The following NEBL variants were observed in gnomAD, a reference collection of about 807,000 sequenced individuals.
NEBL encodes the protein LIM and SH3 protein 2.
NEBL carries 122 observed loss-of-function variants against 140.2 expected under a neutral mutation model. The observed-to-expected ratio is 0.87, with a 90% CI of 0.75 to 1.01. The LOEUF (loss-of-function observed/expected upper bound fraction) is 1.01. NEBL is among the 50% of genes least tolerant of loss of function. The probability of loss-of-function intolerance (pLI) is 0.00; values close to 1 mark genes in which losing one functional copy is unlikely to be tolerated. For missense variants in NEBL, 1,365 were observed against 1,231.3 expected, an observed-to-expected ratio of 1.11 and a Z score of -1.62; for synonymous variants, 436 against 398.9, an observed-to-expected ratio of 1.09 and a Z score of -1.11.
At chr10:21,247,650 C>T (rs948143896) in intron 3 of NEBL, 3 of 152,134 alleles carry the variant, frequency 2.0e-5, no homozygotes, top group African/African-American at 7.2e-5. Flanking sequence ...TCCCCAAGTC[C>T]CTGGTAACCA....
At chr10:21,122,510 C>G (rs888824299) in intron 2 of NEBL, among the ~76,000 whole-genome samples, 3 of 152,180 alleles carry the variant, frequency 2.0e-5, no homozygotes, top group African/African-American at 7.2e-5. Context: ...TTCTTTTGAT[C>G]TACTCACAAT....
chr10:20,817,474 G>A (rs1838838890), intron 21 of NEBL, 126 bp downstream of exon 21: 2 of 852,378 alleles, frequency 2.3e-6, no homozygotes, highest in East Asian at 2.6e-5. Flanking sequence ...TTTCAAATAA[G>A]TTGTTAGTCA....
At chr10:21,074,947 G>A (rs11012509) in intron 2 of NEBL, among the ~76,000 whole-genome samples, 3,249 of 151,700 alleles carry the variant, frequency 0.021, 93 homozygotes, top group African/African-American at 0.075. Context: ...GGAACTACAG[G>A]CATGTACCAC....
intron 9 of NEBL, among the ~76,000 whole-genome samples, chr10:20,856,673 C>A (rs372120655): frequency 6.0e-4 from 92 of 152,140 alleles, no homozygotes; most frequent in African/African-American, 2.0e-3. Flanking sequence ...TGCAAGCCAG[C>A]ATGATGTAAG....
upstream of NEBL, among the ~76,000 whole-genome samples, chr10:20,900,693 G>A (rs148594079): frequency 2.7e-4 from 41 of 150,886 alleles, 1 homozygote; most frequent in East Asian, 7.9e-3. Flanking sequence ...AATTAGCCGA[G>A]TGTGATGGCA....
chr10:21,274,382 C>G (rs192783169), intron 1 of NEBL, among the ~76,000 whole-genome samples: 23 of 152,280 alleles, frequency 1.5e-4, no homozygotes, highest in African/African-American at 5.1e-4. Flanking sequence ...CACATATTTC[C>G]TATGTTCTAT....
In NEBL at chr10:21,174,017, T is replaced by G. The variant is rs983149883; in HGVS notation, c.-184A>C. On this transcript the variant is annotated 5_prime_UTR_variant, in exon 1 of 7. Transcript: ENST00000417816. ...GGGGAGGGCGACGGGGCCTGGCGCC[T>G]GGGGCCGGCCGCGCTCTCGGGCTCG... The G allele has an allele frequency of 2.6e-5, 30 of 1,160,160 alleles. 1 individual carries two copies. The African/African-American group carries it at 4.9e-4, about 19-fold the overall frequency. 71.9% of individuals were successfully genotyped at this position (1,160,160 alleles called of 1,614,324 possible).
intron 3 of NEBL, among the ~76,000 whole-genome samples, chr10:20,998,054 T>C (rs547809029): frequency 2.3e-4 from 35 of 152,248 alleles, no homozygotes; most frequent in African/African-American, 7.9e-4. Context: ...TTTTTAAAAG[T>C]CCAAATATAA....
chr10:21,265,109 G>A (rs1842783735), intron 1 of NEBL, among the ~76,000 whole-genome samples: 1 of 152,012 alleles, frequency 6.6e-6, no homozygotes, highest in Non-Finnish European at 1.5e-5. Flanking sequence ...TTTTAGTAGA[G>A]ATGGGGTTTT....
At chr10:21,145,447 T>C (rs1455893637) in intron 2 of NEBL, among the ~76,000 whole-genome samples, 1 of 152,266 alleles carries the variant, frequency 6.6e-6, no homozygotes, top group East Asian at 1.9e-4. Flanking sequence ...AATAGATCTA[T>C]TGATTTGTTC....
chr10:21,245,994 C>G (rs147726294), intron 3 of NEBL, among the ~76,000 whole-genome samples: 98 of 152,340 alleles, frequency 6.4e-4, no homozygotes, highest in Middle Eastern at 3.4e-3. Flanking sequence ...CGCACCCAGC[C>G]ATATATTACT....
At chr10:20,833,007 C>T (rs1035564511) in intron 14 of NEBL, among the ~76,000 whole-genome samples, 5 of 152,166 alleles carry the variant, frequency 3.3e-5, no homozygotes, top group Admixed American at 3.3e-4. Context: ...AACTGAGGCA[C>T]TGATAACAGA....
intron 3 of NEBL, among the ~76,000 whole-genome samples, chr10:20,998,809 A>G (rs1237934620): frequency 6.6e-6 from 1 of 152,182 alleles, no homozygotes; most frequent in East Asian, 1.9e-4. Context: ...ACTAGCCCCA[A>G]TGAAGTCCCT....
intron 4 of NEBL, among the ~76,000 whole-genome samples, chr10:20,885,172 A>C (rs1405699292): frequency 1.3e-5 from 2 of 152,218 alleles, no homozygotes; most frequent in South Asian, 2.1e-4. Context: ...AGGACATCAC[A>C]AATCTGATAC....
At chr10:21,148,674 T>C (rs991666727) in intron 2 of NEBL, among the ~76,000 whole-genome samples, 1 of 152,004 alleles carries the variant, frequency 6.6e-6, no homozygotes, top group African/African-American at 2.4e-5. Context: ...TGCAGGCACA[T>C]ACCACCATGC....
chr10:21,180,998 A>G (rs1329245072), intron 3 of NEBL, among the ~76,000 whole-genome samples: 1 of 152,152 alleles, frequency 6.6e-6, no homozygotes, highest in Non-Finnish European at 1.5e-5. Context: ...ACAGTGGCTC[A>G]TATCTGTAAT....
intron 1 of NEBL, among the ~76,000 whole-genome samples, chr10:21,275,763 C>T (rs1842913828): frequency 6.6e-6 from 1 of 151,032 alleles, no homozygotes; most frequent in African/African-American, 2.4e-5. Flanking sequence ...GCCTCGGCCT[C>T]CCGAGTAGCT....
chr10:20,890,031 A>C (rs1846898539), intron 2 of NEBL, 82 bp from the exon 3 acceptor site: 1 of 920,196 alleles, frequency 1.1e-6, no homozygotes, highest in South Asian at 1.5e-5. Flanking sequence ...TTAGGTTGAT[A>C]AAGTCCATTT....
At chr10:20,876,228 G>C (rs967742877) in intron 5 of NEBL, among the ~76,000 whole-genome samples, 1 of 152,154 alleles carries the variant, frequency 6.6e-6, no homozygotes, top group Non-Finnish European at 1.5e-5. Context: ...GTTATGGCCA[G>C]AATGGCTTAT....
Sources: gnomAD v4.1 joint callset for allele counts (sites outside exome capture counted in the v4.1 genomes callset) on GRCh38, gnomAD v4.1.1 for gene constraint, MANE v1.5 for transcripts, NCBI Gene and HGNC (gene_info 2026-07-23, HGNC 2026-07-21) for gene names.